The following FANCC variants were observed in gnomAD, a reference collection of about 807,000 sequenced individuals.
FANCC encodes FA complementation group C.
A neutral mutation model predicts 71.3 loss-of-function variants in FANCC; 55 were observed. That is an observed-to-expected ratio of 0.77 (90% CI 0.62 to 0.97). The LOEUF (loss-of-function observed/expected upper bound fraction) is 0.97. Among genes scored for constraint, FANCC ranks in the 50% least tolerant of loss-of-function variants. The probability of loss-of-function intolerance (pLI) is 0.00; values close to 1 mark genes in which losing one functional copy is unlikely to be tolerated. For synonymous variants in FANCC, 275 were observed against 244.9 expected (o/e 1.12, Z -1.15); for missense variants, 678 against 670.9 (o/e 1.01, Z -0.12).
rs569387668 is a variant in FANCC at position 95,132,773 on chromosome 9, T to G, written c.843+2573A>C. Among the ~76,000 whole-genome samples the G allele has an allele frequency of 6.6e-5, 10 of 152,366 alleles. No homozygotes were observed. In the South Asian group the frequency reaches 1.9e-3, roughly 28 times the overall value. On this transcript the variant is annotated intron_variant, in intron 8 of 14. Coordinates refer to ENST00000289081, the MANE Select transcript of FANCC (RefSeq NM_000136.3). ...TGGTCTTAATGGAAAATATCAGACCTGCGAGTCCAAGAGGCCAAAGAACAT... is the reference window on the plus strand; with the variant it reads ...TGGTCTTAATGGAAAATATCAGACCGGCGAGTCCAAGAGGCCAAAGAACAT...
intron 7 of FANCC, among the ~76,000 whole-genome samples, chr9:95,140,741 G>T (rs1232563978): frequency 1.3e-5 from 2 of 152,140 alleles, no homozygotes; most frequent in Non-Finnish European, 2.9e-5. Flanking sequence ...TACTTCCAAG[G>T]AACTGAAAAG....
intron 3 of FANCC, among the ~76,000 whole-genome samples, chr9:95,243,872 CAG>C (rs1830778251): frequency 6.6e-6 from 1 of 152,198 alleles, no homozygotes; most frequent in African/African-American, 2.4e-5. Flanking sequence ...AGTCAAACAA[CAG>C]GGGCGACACA....
intron 1 of FANCC, among the ~76,000 whole-genome samples, chr9:95,277,194 G>A (rs572899364): frequency 6.6e-5 from 10 of 152,212 alleles, no homozygotes; most frequent in Non-Finnish European, 1.5e-5. Flanking sequence ...TCCAAAAACA[G>A]TTTTTATATT....
At chr9:95,302,948 A>C (rs759224929) in intron 1 of FANCC, among the ~76,000 whole-genome samples, 2 of 152,236 alleles carry the variant, frequency 1.3e-5, no homozygotes, top group Non-Finnish European at 2.9e-5. Flanking sequence ...TGTTGTTTTA[A>C]AACCTTGAAG....
chr9:95,274,257 G>A (rs570630810), intron 1 of FANCC, among the ~76,000 whole-genome samples: 3 of 152,194 alleles, frequency 2.0e-5, no homozygotes, highest in South Asian at 2.1e-4. Context: ...TCCCATTTAC[G>A]AGTGAGAACA....
intron 1 of FANCC, among the ~76,000 whole-genome samples, chr9:95,254,297 GA>G (rs1315397276): frequency 6.6e-6 from 1 of 152,232 alleles, no homozygotes; most frequent in Non-Finnish European, 1.5e-5. Context: ...CAAGATGGCC[GA>G]ATAGGAACAG....
chr9:95,169,080 G>C (rs563832041), intron 6 of FANCC, among the ~76,000 whole-genome samples: 1 of 152,198 alleles, frequency 6.6e-6, no homozygotes, highest in East Asian at 1.9e-4. Flanking sequence ...TGGCAATTTG[G>C]ATATGCCACA....
intron 6 of FANCC, among the ~76,000 whole-genome samples, chr9:95,163,033 T>G (rs1022692503): frequency 1.3e-5 from 2 of 152,252 alleles, no homozygotes; most frequent in African/African-American, 4.8e-5. Context: ...CATTGCGAAG[T>G]CCAATGCCAT....
intron 1 of FANCC, among the ~76,000 whole-genome samples, chr9:95,298,251 A>T (rs969430519): frequency 1.3e-5 from 2 of 152,180 alleles, no homozygotes; most frequent in African/African-American, 4.8e-5. Context: ...GAGGAGGTAA[A>T]GATGTTGCTT....
At chr9:95,294,569 G>A (rs914842403) in intron 1 of FANCC, 1 of 1,537,172 alleles carries the variant, frequency 6.5e-7, no homozygotes, top group Admixed American at 1.7e-5. Flanking sequence ...CAAACTGAAG[G>A]AATCTCCACT....
intron 1 of FANCC, among the ~76,000 whole-genome samples, chr9:95,282,262 A>G (rs1400228837): frequency 6.6e-6 from 1 of 152,170 alleles, no homozygotes; most frequent in Admixed American, 6.5e-5. Flanking sequence ...GGCTATACTT[A>G]TATCAGATAA....
intron 1 of FANCC, among the ~76,000 whole-genome samples, chr9:95,261,935 T>C (rs1001308460): frequency 3.3e-5 from 5 of 152,082 alleles, no homozygotes; most frequent in African/African-American, 7.2e-5. Context: ...AAACCAGCCA[T>C]GGGGCCATGC....
chr9:95,118,453 G>A (rs1466495075), intron 10 of FANCC, among the ~76,000 whole-genome samples: 1 of 152,234 alleles, frequency 6.6e-6, no homozygotes, highest in African/African-American at 2.4e-5. Context: ...ATAACGCATG[G>A]AGTGCATGGG....
At chr9:95,165,161 C>T (rs1020145668) in intron 6 of FANCC, among the ~76,000 whole-genome samples, 18 of 150,534 alleles carry the variant, frequency 1.2e-4, no homozygotes, top group African/African-American at 4.1e-4. Context: ...TAAGTCTTCT[C>T]TTTTTTTTTC....
rs1554828451 is a variant in FANCC, at chr9:95,107,238, A to G, written c.1361T>C (p.Leu454Pro). ...GAGGCTGCTGCTTCTGGACATTGCC[A>G]GGAGGTGGCCCAGCACGGCCTTCAC... ...VQVKAVLGHL[L>P]AMSRSSSLSA... Residue 454 changes from leucine (L) to proline (P), a missense_variant, in exon 14 of 15, where the codon CTG becomes CCG. By Grantham distance (98) the Leu-to-Pro change is moderately conservative (BLOSUM62 -3). Transcript: ENST00000289081. The G allele has an allele frequency of 6.2e-7, 1 of 1,614,116 alleles. No homozygotes were observed. Among genetic ancestry groups the G allele is most frequent in the Non-Finnish European group, 8.5e-7 (1 of 1,180,010 alleles).
chr9:95,305,980 C>G (rs943581118), intron 1 of FANCC, among the ~76,000 whole-genome samples: 2 of 152,170 alleles, frequency 1.3e-5, no homozygotes, highest in Non-Finnish European at 2.9e-5. Flanking sequence ...TTTGTAACAG[C>G]TGCACTGATG....
chr9:95,250,711 A>AT (rs1258011035), intron 1 of FANCC, among the ~76,000 whole-genome samples: 1 of 152,182 alleles, frequency 6.6e-6, no homozygotes, highest in African/African-American at 2.4e-5. Flanking sequence ...ACCAAAATAA[A>AT]TGTGTGTGAT....
At chr9:95,172,414 TAAG>T (rs767115962) in intron 4 of FANCC, among the ~76,000 whole-genome samples, 5 of 152,214 alleles carry the variant, frequency 3.3e-5, no homozygotes, top group Non-Finnish European at 7.3e-5. Context: ...TTACCTATAT[TAAG>T]AATGGAATCT....
chr9:95,271,174 T>C (rs1832693174), intron 1 of FANCC, among the ~76,000 whole-genome samples: 1 of 152,122 alleles, frequency 6.6e-6, no homozygotes, highest in Non-Finnish European at 1.5e-5. Context: ...CCGCTGAACA[T>C]CTACCAAGCA....
Sources: allele counts gnomAD v4.1 joint callset (sites outside exome capture counted in the v4.1 genomes callset), GRCh38; gene constraint gnomAD v4.1.1; transcripts MANE v1.5; gene names NCBI Gene and HGNC (gene_info 2026-07-23, HGNC 2026-07-21).